EPHA3: variants seen among roughly 807,000 people sequenced by gnomAD.
The protein encoded by EPHA3 is ephrin type-A receptor 3.
Under a neutral mutation model 107.1 loss-of-function variants are expected in EPHA3, and 42 were observed. The ratio of observed to expected loss-of-function variants is 0.39; its 90% CI spans 0.31 to 0.51. The LOEUF (loss-of-function observed/expected upper bound fraction) is 0.51, where lower values mean the gene tolerates loss of function less well. Among genes scored for constraint, EPHA3 ranks in the 20% least tolerant of loss-of-function variants. The pLI is 0.78. For missense variants in EPHA3, 1,183 were observed against 1,211.2 expected (o/e 0.98, Z 0.35); for synonymous variants, 461 against 424.8 (o/e 1.09, Z -1.05).
In EPHA3 at chr3:89,455,941, C is replaced by T. The variant is rs144775395; in HGVS notation, c.2690+5571C>T. 9.9e-4 allele frequency among the ~76,000 whole-genome samples: 151 copies of T among 152,276 alleles called. 1 individual carries two copies. The highest frequency in any genetic ancestry group is 3.5e-3 in the African/African-American group (145 of 41,554). On this transcript the variant is annotated intron_variant, in intron 15 of 16. Transcript: ENST00000336596. ...TATTCTTTTTAACTATCCATTTTCTCAATAAACTCTAAGCCCTGTGAGAGC... is the reference window on the plus strand; with the variant it reads ...TATTCTTTTTAACTATCCATTTTCTTAATAAACTCTAAGCCCTGTGAGAGC...
intron 3 of EPHA3, among the ~76,000 whole-genome samples, chr3:89,260,629 C>T (rs910974784): frequency 6.6e-6 from 1 of 152,058 alleles, no homozygotes; most frequent in Non-Finnish European, 1.5e-5. Flanking sequence ...CTGCAGGCTG[C>T]CCTTTGTTTG....
At chr3:89,233,383 C>A (rs1469745653) in intron 3 of EPHA3, among the ~76,000 whole-genome samples, 1 of 152,084 alleles carries the variant, frequency 6.6e-6, no homozygotes, top group Non-Finnish European at 1.5e-5. Flanking sequence ...AACTAGTGTG[C>A]GTAAATGAGG....
At chr3:89,130,054 G>A (rs1352754864) in intron 2 of EPHA3, among the ~76,000 whole-genome samples, 2 of 152,110 alleles carry the variant, frequency 1.3e-5, no homozygotes, top group African/African-American at 2.4e-5. Flanking sequence ...CAGGTTGAGC[G>A]AGTAAGGGAA....
chr3:89,358,200 A>ATGGTTACAT (rs1708008530), intron 5 of EPHA3, among the ~76,000 whole-genome samples: 1 of 151,196 alleles, frequency 6.6e-6, no homozygotes, highest in Non-Finnish European at 1.5e-5. Context: ...CTCATCTGTT[A>ATGGTTACAT]AATAAGGGTT....
chr3:89,151,596 A>T (rs1704691919), intron 2 of EPHA3, among the ~76,000 whole-genome samples: 2 of 152,104 alleles, frequency 1.3e-5, no homozygotes, highest in Admixed American at 1.3e-4. Context: ...CCAGCTGCCT[A>T]TTTCAGTACT....
At chr3:89,170,236 A>C (rs961587564) in intron 2 of EPHA3, among the ~76,000 whole-genome samples, 2 of 150,646 alleles carry the variant, frequency 1.3e-5, no homozygotes, top group African/African-American at 4.9e-5. Context: ...AGCCTGGGCG[A>C]CAGAGAGAGA....
At chr3:89,433,660 A>G (rs1409488587) in intron 13 of EPHA3, among the ~76,000 whole-genome samples, 3 of 152,208 alleles carry the variant, frequency 2.0e-5, no homozygotes. Context: ...TGTGTCCTAC[A>G]TAAAAATGTT....
At chr3:89,139,385 T>C (rs1704379650) in intron 2 of EPHA3, among the ~76,000 whole-genome samples, 1 of 151,840 alleles carries the variant, frequency 6.6e-6, no homozygotes, top group Non-Finnish European at 1.5e-5. Flanking sequence ...AGAAATTCCC[T>C]GAATAAATAT....
intron 6 of EPHA3, among the ~76,000 whole-genome samples, chr3:89,399,086 C>T (rs1365806903): frequency 2.6e-5 from 4 of 151,064 alleles, no homozygotes; most frequent in Middle Eastern, 3.2e-3. Context: ...GCTGAGATCG[C>T]GCCACTGCAC....
chr3:89,163,759 G>T (rs1177913772), intron 2 of EPHA3, among the ~76,000 whole-genome samples: 1 of 152,050 alleles, frequency 6.6e-6, no homozygotes, highest in Admixed American at 6.6e-5. Context: ...GAACACTCCT[G>T]AACAAATCAG....
chr3:89,336,335 C>T (rs2107408428), intron 3 of EPHA3, among the ~76,000 whole-genome samples: 1 of 152,246 alleles, frequency 6.6e-6, no homozygotes, highest in Non-Finnish European at 1.5e-5. Context: ...CACACACACA[C>T]ATTCACACAC....
chr3:89,264,762 A>T (rs1009716145), intron 3 of EPHA3, among the ~76,000 whole-genome samples: 2 of 152,202 alleles, frequency 1.3e-5, no homozygotes, highest in Non-Finnish European at 2.9e-5. Context: ...ATCAATAAAT[A>T]AGATGGAATT....
chr3:89,340,245 T>C (rs1049592876), intron 3 of EPHA3, among the ~76,000 whole-genome samples: 2 of 152,204 alleles, frequency 1.3e-5, no homozygotes, highest in Non-Finnish European at 1.5e-5. Context: ...AGCTCTCATC[T>C]AGTAACAGTT....
At chr3:89,170,376 T>C (rs990861038) in intron 2 of EPHA3, among the ~76,000 whole-genome samples, 1 of 152,198 alleles carries the variant, frequency 6.6e-6, no homozygotes, top group African/African-American at 2.4e-5. Context: ...TTTATTTTAT[T>C]TTCCTCATAA....
chr3:89,342,787 A>T (rs1707559089), intron 5 of EPHA3, among the ~76,000 whole-genome samples: 1 of 151,774 alleles, frequency 6.6e-6, no homozygotes, highest in African/African-American at 2.4e-5. Context: ...AATTATTGCT[A>T]CAAAATGTCA....
chr3:89,251,568 T>G (rs921866337), intron 3 of EPHA3, among the ~76,000 whole-genome samples: 6 of 152,064 alleles, frequency 3.9e-5, no homozygotes, highest in African/African-American at 1.4e-4. Context: ...CCACAGTCAG[T>G]AAAAGCTACA....
At chr3:89,388,468 T>C (rs1330709352) in intron 5 of EPHA3, among the ~76,000 whole-genome samples, 1 of 152,066 alleles carries the variant, frequency 6.6e-6, no homozygotes, top group Non-Finnish European at 1.5e-5. Context: ...GGAGAAACTT[T>C]ATGAGGGAAT....
chr3:89,385,227 A>G (rs1708591858), intron 5 of EPHA3, among the ~76,000 whole-genome samples: 1 of 152,230 alleles, frequency 6.6e-6, no homozygotes, highest in Admixed American at 6.5e-5. Flanking sequence ...CTTCAGCTTC[A>G]AGTGGACAAT....
chr3:89,272,207 C>G (rs1487328043), intron 3 of EPHA3, among the ~76,000 whole-genome samples: 1 of 151,774 alleles, frequency 6.6e-6, no homozygotes, highest in Non-Finnish European at 1.5e-5. Flanking sequence ...CATGGGGAAT[C>G]AGTGACCCTA....
Sources: allele counts gnomAD v4.1 joint callset (sites outside exome capture counted in the v4.1 genomes callset), GRCh38; gene constraint gnomAD v4.1.1; transcripts MANE v1.5; gene names NCBI Gene and HGNC (gene_info 2026-07-23, HGNC 2026-07-21).